SULT4A1: variants seen among roughly 807,000 people sequenced by gnomAD.
SULT4A1 encodes the protein sulfotransferase family 4A member 1.
In SULT4A1, 11 loss-of-function variants were observed where a neutral mutation model predicts 35.2. The ratio of observed to expected loss-of-function variants is 0.31; its 90% CI spans 0.20 to 0.52. The LOEUF is 0.52. Among genes scored for constraint, SULT4A1 ranks in the 20% least tolerant of loss-of-function variants. SULT4A1 has a pLI of 0.97. For missense variants in SULT4A1, 271 were observed against 383.7 expected (o/e 0.71, Z 2.45); for synonymous variants, 152 against 151.8 (o/e 1.00, Z -0.01).
At chr22:43,836,811 C>T (rs1266467408) in intron 4 of SULT4A1, among the ~76,000 whole-genome samples, 1 of 151,640 alleles carries the variant, frequency 6.6e-6, no homozygotes, top group Non-Finnish European at 1.5e-5. Context: ...GTCTACACAG[C>T]GTCCTCACAC....
intron 1 of SULT4A1, among the ~76,000 whole-genome samples, chr22:43,854,764 T>A (rs1370163795): frequency 6.6e-6 from 1 of 152,174 alleles, no homozygotes; most frequent in African/African-American, 2.4e-5. Context: ...TCTCAAGGGA[T>A]CCTGGCAGGC....
At chr22:43,845,711 C>G (rs1049489524) in intron 1 of SULT4A1, among the ~76,000 whole-genome samples, 2 of 152,154 alleles carry the variant, frequency 1.3e-5, no homozygotes, top group Non-Finnish European at 2.9e-5. Flanking sequence ...AGGAGGCGAG[C>G]ACTGGGCGGG....
intron 6 of SULT4A1, 113 bp downstream of exon 6, chr22:43,828,947 A>G (rs1054450982): frequency 5.7e-5 from 70 of 1,219,244 alleles, no homozygotes; most frequent in Non-Finnish European, 7.6e-5. Context: ...AGACTGCTGT[A>G]AAAGGAGAGC....
intron 1 of SULT4A1, among the ~76,000 whole-genome samples, chr22:43,857,272 T>C (rs1193394997): frequency 1.3e-5 from 2 of 148,420 alleles, no homozygotes; most frequent in African/African-American, 5.0e-5. Flanking sequence ...GGTGCAGCAG[T>C]ATGCCTGCAG....
In SULT4A1 at chr22:43,825,652, A is replaced by T. The variant is rs772659594; in HGVS notation, c.*349T>A. 10 of 168,108 alleles carry T rather than the reference A, an allele frequency of 5.9e-5. No homozygotes were observed. Among genetic ancestry groups the T allele is most frequent in the Non-Finnish European group, 1.1e-4 (9 of 79,898 alleles). 10.4% of individuals were successfully genotyped at this position (168,108 alleles called of 1,614,324 possible). ...ACTTTTATTTGGTTTACTGACATTT[A>T]TGTAGATTTCCAGTGAAAAGCTCTA... On this transcript the variant is annotated 3_prime_UTR_variant, in exon 7 of 7. Transcript: ENST00000330884.
intron 4 of SULT4A1, among the ~76,000 whole-genome samples, chr22:43,835,034 C>A (rs1448285732): frequency 4.0e-5 from 4 of 98,884 alleles, no homozygotes; most frequent in Admixed American, 9.4e-5. Flanking sequence ...TCCCGCGCCC[C>A]CACCGCGTCC....
At chr22:43,841,308 G>A (rs565651413) in intron 2 of SULT4A1, among the ~76,000 whole-genome samples, 61 of 152,174 alleles carry the variant, frequency 4.0e-4, no homozygotes, top group Non-Finnish European at 7.4e-4. Context: ...GAGGACAGGT[G>A]TGGTGGAGGC....
At chr22:43,849,651 A>G (rs2063498323) in intron 1 of SULT4A1, among the ~76,000 whole-genome samples, 3 of 152,164 alleles carry the variant, frequency 2.0e-5, no homozygotes, top group Admixed American at 2.0e-4. Context: ...CTTCCCGCTG[A>G]GAGCCACTTT....
In SULT4A1 at chr22:43,825,896, C is replaced by T. The variant is rs1360961448; in HGVS notation, c.*105G>A. 1.1e-5 allele frequency: 13 copies of T among 1,164,618 alleles called. No individual in the cohort carries two copies. The highest frequency in any genetic ancestry group is 2.1e-4 in the Middle Eastern group (1 of 4,680). The allele number at this position is 1,164,618 out of a possible 1,614,324, so 72.1% of individuals were successfully genotyped here. On this transcript the variant is annotated 3_prime_UTR_variant, in exon 7 of 7. Transcript: ENST00000330884. The stretch of plus-strand genomic sequence containing the variant: ...TCTTCCCTTCCCCCGCTGTTTCACA[C>T]GCTGCTTCCAGAGTTTGTCCAGCAA...
rs762942006 is a variant in SULT4A1 at position 43,862,350 on chromosome 22, G to A, written c.33C>T (p.Thr11=). 1.1e-5 allele frequency: 16 copies of A among 1,509,222 alleles called. No individual in the cohort carries two copies. The highest frequency in any genetic ancestry group is 1.4e-5 in the Non-Finnish European group (16 of 1,122,482). The allele number at this position is 1,509,222 out of a possible 1,614,324, so 93.5% of individuals were successfully genotyped here. Reference sequence around the variant, plus strand: ...AGTACTTGCTCTCGAACTCCCCCGGGGTGCTGGGGGTCTCGGCCTCGCTCT... The same window carrying A: ...AGTACTTGCTCTCGAACTCCCCCGGAGTGCTGGGGGTCTCGGCCTCGCTCT... MAESEAETPS[T]PGEFESKYFE... The change falls in exon 1 of 7, where the codon ACC becomes ACT. Residue 11 remains threonine, a synonymous_variant. Transcript: ENST00000330884.
intron 4 of SULT4A1, among the ~76,000 whole-genome samples, chr22:43,835,774 C>T (rs527769525): frequency 6.2e-4 from 94 of 152,296 alleles, no homozygotes; most frequent in Middle Eastern, 6.8e-3. Context: ...ACAGACATCC[C>T]GGTGACATGG....
At chr22:43,835,408 G>T (rs2063362770) in intron 4 of SULT4A1, among the ~76,000 whole-genome samples, 1 of 152,228 alleles carries the variant, frequency 6.6e-6, no homozygotes, top group Non-Finnish European at 1.5e-5. Flanking sequence ...CTAAGCAGCA[G>T]GAAGCAGCCC....
chr22:43,856,951 CACAA>C (rs1056163877), intron 1 of SULT4A1, among the ~76,000 whole-genome samples: 31 of 152,198 alleles, frequency 2.0e-4, no homozygotes, highest in African/African-American at 7.0e-4. Context: ...CGCGCACACA[CACAA>C]ACAAAACTGT....
chr22:43,826,100 C>T lies in SULT4A1; in HGVS notation c.756G>A (p.Leu252=), dbSNP rs142321645. Residue 252 remains leucine (L), a synonymous_variant, in exon 7 of 7, where the codon CTG becomes CTA. Coordinates refer to ENST00000330884, the MANE Select transcript of SULT4A1 (RefSeq NM_014351.4). ...TGGAGACGGTGAAGATGTCCTTCCACAGCCCAACTCTTCCTGAAACGCAAA... is the reference window on the plus strand; with the variant it reads ...TGGAGACGGTGAAGATGTCCTTCCATAGCCCAACTCTTCCTGAAACGCAAA... ...ALPVGRGRVG[L]WKDIFTVSMN... is the part of the protein sequence containing the mutation. 2 of 1,614,140 alleles carry T rather than the reference C, an allele frequency of 1.2e-6. No homozygotes were observed. The highest frequency in any genetic ancestry group is 1.7e-6 in the Non-Finnish European group (2 of 1,180,016).
intron 6 of SULT4A1, chr22:43,826,441 C>T: frequency 1.0e-6 from 1 of 985,326 alleles, no homozygotes; most frequent in Non-Finnish European, 1.2e-6. Flanking sequence ...GCTGGGTCCC[C>T]AGCACCTAGA....
At chr22:43,859,311 G>A (rs1221218803) in intron 1 of SULT4A1, among the ~76,000 whole-genome samples, 1 of 152,174 alleles carries the variant, frequency 6.6e-6, no homozygotes, top group Admixed American at 6.5e-5. Context: ...AAGAAACCAG[G>A]TGGCTCACCC....
intron 6 of SULT4A1, 31 bp from the exon 7 acceptor site, chr22:43,826,144 C>T (rs1185498641): frequency 6.2e-7 from 1 of 1,611,520 alleles, no homozygotes; most frequent in Non-Finnish European, 8.5e-7. Flanking sequence ...CTGCTGGGGC[C>T]ACTTGCTGTC....
chr22:43,836,611 C>T (rs557321225), intron 4 of SULT4A1, among the ~76,000 whole-genome samples: 2 of 131,330 alleles, frequency 1.5e-5, no homozygotes, highest in East Asian at 4.1e-4. Flanking sequence ...ACACAGCGTC[C>T]TCACACTGCA....
At chr22:43,854,507 T>C (rs770545626) in intron 1 of SULT4A1, among the ~76,000 whole-genome samples, 45 of 152,176 alleles carry the variant, frequency 3.0e-4, no homozygotes, top group Admixed American at 2.9e-3. Flanking sequence ...TCTTTATAAC[T>C]GGTCCCCTCC....
Sources: gnomAD v4.1 joint callset for allele counts (sites outside exome capture counted in the v4.1 genomes callset) on GRCh38, gnomAD v4.1.1 for gene constraint, MANE v1.5 for transcripts, NCBI Gene and HGNC (gene_info 2026-07-23, HGNC 2026-07-21) for gene names.